Variants in GTF2H2 observed in about 807,000 individuals in gnomAD.
The protein encoded by GTF2H2 is general transcription factor IIH subunit 2, also known as TFIIH basal transcription factor complex p44 subunit.
In GTF2H2, 2 loss-of-function variants were observed where a neutral mutation model predicts 16.5. The ratio of observed to expected loss-of-function variants is 0.12; its 90% CI spans 0.05 to 0.38. The LOEUF (loss-of-function observed/expected upper bound fraction) is 0.38, where lower values mean the gene tolerates loss of function less well. Among genes scored for constraint, GTF2H2 ranks in the 10% least tolerant of loss-of-function variants. The pLI is 0.99. For missense variants in GTF2H2, 20 were observed against 137.0 expected (o/e 0.15, Z 4.26); for synonymous variants, 8 against 44.1 (o/e 0.18, Z 3.24).
At chr5:71,055,161 A>G (rs536011494) in intron 8 of GTF2H2, 191 bp downstream of exon 8, 1 of 460,630 alleles carries the variant, frequency 2.2e-6, no homozygotes, top group Admixed American at 4.2e-5. Flanking sequence ...AACCTTTAAC[A>G]ATATCTTACT....
At position 71,039,581 on chromosome 5, in the gene GTF2H2, C is replaced by T. The variant is rs1169190992; in HGVS notation, c.1028+1941G>A. ...TTTTCTTTTTTTCTCGTATCATTCT[C>T]ATATTGGACCTTCTGGATAATTCCA... On this transcript the variant is annotated intron_variant, in intron 14 of 15. Transcript: ENST00000274400. Among the ~76,000 whole-genome samples the T allele has an allele frequency of 7.5e-5, 11 of 147,104 alleles. 1 individual carries two copies. The highest frequency in any genetic ancestry group is 6.1e-4 in the Admixed American group (9 of 14,782).
At position 71,040,248 on chromosome 5, in the gene GTF2H2, TG is replaced by T. The variant is rs1476767964; in HGVS notation, c.1028+1273del. ...AAATCCTGGATGTTCTTTTTTTTTT[TG>T]ATGGAGTTTCGCTCTTGTCGCCCAG... On this transcript the variant is annotated intron_variant, in intron 14 of 15. Transcript: ENST00000274400. 6.0e-5 allele frequency among the ~76,000 whole-genome samples: 2 copies of T among 33,240 alleles called. 1 individual carries two copies. Among genetic ancestry groups the T allele is most frequent in the Non-Finnish European group, 1.2e-4 (2 of 16,528 alleles). The allele number at this position is 33,240 out of a possible 152,430, so 21.8% of individuals were successfully genotyped here.
intron 8 of GTF2H2, among the ~76,000 whole-genome samples, chr5:71,052,636 T>C (rs1195143013): frequency 5.4e-5 from 2 of 36,848 alleles, no homozygotes; most frequent in Non-Finnish European, 1.0e-4. Context: ...TGGACTGTTG[T>C]GGCTACTTTA....
At chr5:71,035,664 C>T in exon 16 of GTF2H2, 1 of 28,432 alleles carries the variant, frequency 3.5e-5, no homozygotes, top group Non-Finnish European at 5.2e-5. Flanking sequence ...ACAATGTATA[C>T]TACATGCTGG....
At chr5:71,037,974 C>CAAAAA (rs1164937065) in intron 14 of GTF2H2, among the ~76,000 whole-genome samples, 31 of 8,184 alleles carry the variant, frequency 3.8e-3, no homozygotes, top group Admixed American at 7.9e-3. Context: ...CTCTGACTCA[C>CAAAAA]AAAAAAAAAA....
rs918397978 is a variant in GTF2H2, at chr5:71,036,447, C to CAGTTTTTAAG, written c.1069-652_1069-651insCTTAAAAACT. ...ATAAATAAATTTCAAACAACACAGA[C>CAGTTTTTAAG]AATGACCTATTCTTAAAAACTCAAA... On this transcript the variant is annotated intron_variant, in intron 15 of 15. Transcript: ENST00000274400. Among the ~76,000 whole-genome samples the CAGTTTTTAAG allele has an allele frequency of 3.2e-4, 28 of 88,496 alleles. 7 individuals carry two copies. The highest frequency in any genetic ancestry group is 1.0e-3 in the African/African-American group (26 of 26,070). The allele number at this position is 88,496 out of a possible 152,430, so 58.1% of individuals were successfully genotyped here.
intron 7 of GTF2H2, chr5:71,059,393 A>G (rs1173048543): frequency 0.02 from 1,390 of 70,942 alleles, 13 homozygotes; most frequent in African/African-American, 0.069. Flanking sequence ...CATCTCCAAA[A>G]AAAAAAAAAA....
In GTF2H2 at chr5:71,037,920, C is replaced by T. The variant is rs1354154367; in HGVS notation, c.1029-374G>A. ...CCAGGACACGGAGGTTGCAGTGAGC[C>T]GAGATGGTGTCATTGCACTCCACAC... On this transcript the variant is annotated intron_variant, in intron 14 of 15. Transcript: ENST00000274400. 6.0e-5 allele frequency among the ~76,000 whole-genome samples: 3 copies of T among 50,352 alleles called. 1 individual carries two copies. The highest frequency in any genetic ancestry group is 2.3e-4 in the African/African-American group (3 of 12,806). 33.0% of individuals were successfully genotyped at this position (50,352 alleles called of 152,430 possible).
At chr5:71,046,608 A>G (rs1353350257) in intron 11 of GTF2H2, among the ~76,000 whole-genome samples, 1 of 138,376 alleles carries the variant, frequency 7.2e-6, no homozygotes, top group Non-Finnish European at 1.6e-5. Context: ...TTTTCAATAT[A>G]AATGTAATAA....
At chr5:71,054,181 T>C (rs1196329106) in intron 8 of GTF2H2, among the ~76,000 whole-genome samples, 1 of 145,734 alleles carries the variant, frequency 6.9e-6, no homozygotes, top group Non-Finnish European at 1.5e-5. Context: ...TGATAGCTTG[T>C]AGATTTTTAA....
intron 12 of GTF2H2, among the ~76,000 whole-genome samples, chr5:71,044,068 T>C (rs1481338388): frequency 4.3e-5 from 6 of 138,434 alleles, no homozygotes; most frequent in African/African-American, 1.7e-4. Flanking sequence ...GAACAGCTGT[T>C]AGTCTAGATT....
In GTF2H2 at chr5:71,061,262, A is replaced by G; in HGVS notation, c.171+10T>C. ...GTTCTGTACTAGTAAAAGAAAAAATAATGACATACCATTCCAAGTCGAACT... is the reference window on the plus strand; with the variant it reads ...GTTCTGTACTAGTAAAAGAAAAAATGATGACATACCATTCCAAGTCGAACT... On this transcript the variant is annotated intron_variant, in intron 4 of 15. Transcript: ENST00000274400. 7.8e-7 allele frequency: 1 copy of G among 1,284,016 alleles called. No homozygotes were observed. The highest frequency in any genetic ancestry group is 1.3e-5 in the South Asian group (1 of 76,116). 79.5% of individuals were successfully genotyped at this position (1,284,016 alleles called of 1,614,324 possible).
At chr5:71,039,507 A>G in intron 14 of GTF2H2, among the ~76,000 whole-genome samples, 1 of 133,454 alleles carries the variant, frequency 7.5e-6, no homozygotes. Context: ...CTGTCCTTCA[A>G]TATAAAATTT....
intron 8 of GTF2H2, among the ~76,000 whole-genome samples, chr5:71,054,879 C>T (rs1202324591): frequency 1.5e-5 from 2 of 135,324 alleles, no homozygotes; most frequent in Non-Finnish European, 3.1e-5. Context: ...TATATATAAG[C>T]TTTAACTATA....
intron 11 of GTF2H2, among the ~76,000 whole-genome samples, chr5:71,046,618 A>C (rs1433363862): frequency 7.2e-6 from 1 of 138,180 alleles, no homozygotes; most frequent in African/African-American, 2.7e-5. Flanking sequence ...AAATGTAATA[A>C]ATTTTCATTG....
chr5:71,054,233 T>A (rs1753001027), intron 8 of GTF2H2, among the ~76,000 whole-genome samples: 1 of 146,122 alleles, frequency 6.8e-6, no homozygotes, highest in African/African-American at 2.6e-5. Flanking sequence ...TAGACCTTTT[T>A]ATGCTTTCTG....
intron 8 of GTF2H2, chr5:71,055,088 T>A (rs1360255807): frequency 3.8e-6 from 1 of 263,822 alleles, no homozygotes; most frequent in Non-Finnish European, 7.0e-6. Flanking sequence ...AATAAAATAT[T>A]TTTTCATCAA....
Position 71,061,264 on chromosome 5 carries a change from T to C in GTF2H2, c.171+8A>G, listed in dbSNP as rs761596677. 2 of 1,312,708 alleles carry C rather than the reference T, an allele frequency of 1.5e-6. No homozygotes were observed. Among genetic ancestry groups the C allele is most frequent in the Non-Finnish European group, 1.1e-6 (1 of 938,324 alleles). The allele number at this position is 1,312,708 out of a possible 1,614,324, so 81.3% of individuals were successfully genotyped here. On this transcript the variant is annotated splice_region_variant and intron_variant, in intron 4 of 15. Coordinates refer to ENST00000274400, the Ensembl canonical transcript of GTF2H2. ...TCTGTACTAGTAAAAGAAAAAATAA[T>C]GACATACCATTCCAAGTCGAACTTG...
intron 14 of GTF2H2, among the ~76,000 whole-genome samples, chr5:71,039,527 A>T (rs996699090): frequency 7.2e-6 from 1 of 139,600 alleles, no homozygotes; most frequent in Non-Finnish European, 1.6e-5. Context: ...TCTTTGAACT[A>T]TGTCTTTGAT....
Sources: allele counts gnomAD v4.1 joint callset (sites outside exome capture counted in the v4.1 genomes callset), GRCh38; gene constraint gnomAD v4.1.1; transcripts MANE v1.5; gene names NCBI Gene and HGNC (gene_info 2026-07-23, HGNC 2026-07-21).